NUP54: variants seen among roughly 807,000 people sequenced by gnomAD.
NUP54 encodes the protein nucleoporin p54.
A neutral mutation model predicts 66.4 loss-of-function variants in NUP54; 27 were observed. The ratio of observed to expected loss-of-function variants is 0.41; its 90% CI spans 0.30 to 0.56. The LOEUF (loss-of-function observed/expected upper bound fraction) is 0.56, where lower values mean the gene tolerates loss of function less well. Ranked by LOEUF, NUP54 falls within the 20% of genes least tolerant of loss-of-function variation. The pLI is 0.34. For missense variants in NUP54, 486 were observed against 596.3 expected (o/e 0.82, Z 1.93); for synonymous variants, 206 against 210.7 (o/e 0.98, Z 0.19).
chr4:76,144,281 C>T lies in NUP54; in HGVS notation c.163G>A (p.Gly55Ser). The change falls in exon 3 of 12, where the codon GGT becomes AGT. Residue 55 changes from glycine to serine, a missense_variant. By Grantham distance (56) the Gly-to-Ser change is moderately conservative. Transcript: ENST00000264883. Reference sequence around the variant, plus strand: ...AATCCAAAACCTTTGTTCTGAGTACCACCAAAGAGTCCTTTGAATGAAAAA... The same window carrying T: ...AATCCAAAACCTTTGTTCTGAGTACTACCAAAGAGTCCTTTGAATGAAAAA... Reference protein sequence around the residue: ...TNTGTTGLFGGTQNKGFGFGT... With the variant: ...TNTGTTGLFGSTQNKGFGFGT... 6.2e-7 allele frequency: 1 copy of T among 1,610,148 alleles called. No individual in the cohort carries two copies. Among genetic ancestry groups the T allele is most frequent in the Non-Finnish European group, 8.5e-7 (1 of 1,179,040 alleles).
At position 76,124,774 on chromosome 4, in the gene NUP54, G is replaced by T. The variant is rs1730393804; in HGVS notation, c.1057-18C>A. 16 of 611,702 alleles carry T rather than the reference G, an allele frequency of 2.6e-5. No individual in the cohort carries two copies. The highest frequency in any genetic ancestry group is 1.1e-4 in the East Asian group (2 of 18,788). 37.9% of individuals were successfully genotyped at this position (611,702 alleles called of 1,614,324 possible). ...GATATGATCTGTTTAAAAAAAAATT[G>T]GGGGGGGGAGGGTTAATCAAATATC... On this transcript the variant is annotated intron_variant, in intron 8 of 11. Transcript: ENST00000264883.
chr4:76,125,768 G>A (rs1267443261), intron 8 of NUP54, among the ~76,000 whole-genome samples: 1 of 26,930 alleles, frequency 3.7e-5, no homozygotes, highest in Non-Finnish European at 6.8e-5. Flanking sequence ...GGGGAGAGGG[G>A]GAGAGAGGGA....
At chr4:76,118,676 G>C (rs1730076759) in intron 9 of NUP54, among the ~76,000 whole-genome samples, 1 of 150,608 alleles carries the variant, frequency 6.6e-6, no homozygotes, top group African/African-American at 2.4e-5. Flanking sequence ...GTTTACAGGT[G>C]TGAGCCACTT....
intron 5 of NUP54, among the ~76,000 whole-genome samples, chr4:76,133,746 T>C (rs1297579670): frequency 6.6e-6 from 1 of 152,220 alleles, no homozygotes; most frequent in African/African-American, 2.4e-5. Flanking sequence ...AATTATTGCA[T>C]CTCATTAATA....
At chr4:76,144,071 A>C in intron 3 of NUP54, 78 bp downstream of exon 3, 1 of 1,391,344 alleles carries the variant, frequency 7.2e-7, no homozygotes. Flanking sequence ...AAGTCCACTA[A>C]AGTATTCTGA....
At position 76,144,132 on chromosome 4, in the gene NUP54, GA is replaced by G; in HGVS notation, c.295+16del. The G allele has an allele frequency of 1.2e-6, 2 of 1,613,004 alleles. No individual in the cohort carries two copies. The highest frequency in any genetic ancestry group is 1.7e-6 in the Non-Finnish European group (2 of 1,179,546). On this transcript the variant is annotated intron_variant, in intron 3 of 11. Transcript: ENST00000264883. ...TCATCACGGTTTTGTATTTGAAGCT[GA>G]AAACCTCATACTTACTAGTTTGCTG...
At chr4:76,148,166 G>A in intron 1 of NUP54, 142 bp downstream of exon 1, 1 of 662,246 alleles carries the variant, frequency 1.5e-6, no homozygotes, top group East Asian at 3.4e-5. Flanking sequence ...CCACTCTGCC[G>A]CCGCCCGCCC....
intron 8 of NUP54, among the ~76,000 whole-genome samples, chr4:76,129,792 G>A (rs1730701012): frequency 6.9e-6 from 1 of 145,320 alleles, no homozygotes; most frequent in African/African-American, 2.6e-5. Flanking sequence ...GTGAACTCAG[G>A]AGGTGGAGCT....
intron 1 of NUP54, 176 bp downstream of exon 1, chr4:76,148,131 TG>T: frequency 2.2e-6 from 1 of 452,768 alleles, no homozygotes; most frequent in Non-Finnish European, 3.9e-6. Flanking sequence ...AGTACCCCCG[TG>T]GCCTCCTCGG....
intron 9 of NUP54, among the ~76,000 whole-genome samples, chr4:76,118,949 T>TG (rs1047812317): frequency 2.0e-5 from 3 of 152,108 alleles, no homozygotes; most frequent in African/African-American, 7.2e-5. Flanking sequence ...GAGCTTGCAG[T>TG]GAGCCTAGAT....
At chr4:76,118,241 G>A (rs1168804755) in intron 9 of NUP54, 47 bp from the exon 10 acceptor site, 9 of 1,553,064 alleles carry the variant, frequency 5.8e-6, no homozygotes, top group Admixed American at 3.3e-5. Flanking sequence ...TCTCTTTTTA[G>A]TTATGCAAGT....
chr4:76,148,290 T>C lies in NUP54; in HGVS notation c.67+18A>G. 1.4e-6 allele frequency: 2 copies of C among 1,465,648 alleles called. No homozygotes were observed. The highest frequency in any genetic ancestry group is 1.4e-5 in the African/African-American group (1 of 69,900). 90.8% of individuals were successfully genotyped at this position (1,465,648 alleles called of 1,614,324 possible). ...CCTTCCCCTTCTTCCCGGGTGAAGG[T>C]CTAGGGGGATCACTCACCCGCGGGG... On this transcript the variant is annotated intron_variant, in intron 1 of 11. Transcript: ENST00000264883.
At chr4:76,148,221 G>T in intron 1 of NUP54, 87 bp downstream of exon 1, 1 of 980,642 alleles carries the variant, frequency 1.0e-6, no homozygotes, top group Non-Finnish European at 1.4e-6. Flanking sequence ...GAGATTCCAG[G>T]ATCCCCAGGT....
rs1374217914 is a variant in NUP54 at position 76,115,454 on chromosome 4, C to G, written c.1436G>C (p.Ser479Thr). Reference protein sequence around the residue: ...QQQEGLSHLISIIKDDLEDIK... With the variant: ...QQQEGLSHLITIIKDDLEDIK... ...ATCTTCTAGATCGTCTTTAATGATG[C>G]TAATCAAATGGCTAAGGCCTTCCTG... Residue 479 changes from serine to threonine, a missense_variant, in exon 12 of 12, where the codon AGC (serine) becomes ACC (threonine). Physicochemically the swap from Ser to Thr is moderately conservative, Grantham distance 58 (BLOSUM62 1). Coordinates refer to ENST00000264883, the MANE Select transcript of NUP54 (RefSeq NM_017426.4). The G allele has an allele frequency of 6.2e-7, 1 of 1,610,676 alleles. No homozygotes were observed. Among genetic ancestry groups the G allele is most frequent in the Non-Finnish European group, 8.5e-7 (1 of 1,178,586 alleles).
chr4:76,124,614 TTA>T, intron 9 of NUP54, 33 bp downstream of exon 9: 1 of 931,922 alleles, frequency 1.1e-6, no homozygotes. Flanking sequence ...ACACATAGTC[TTA>T]TAAACACTGG....
chr4:76,139,685 T>C (rs374764477), intron 3 of NUP54, among the ~76,000 whole-genome samples: 3 of 152,184 alleles, frequency 2.0e-5, no homozygotes, highest in East Asian at 1.9e-4. Context: ...AAGGAATTAT[T>C]GTGGGTTGGA....
Position 76,130,643 on chromosome 4 carries a change from G to A in NUP54, c.1056+13C>T. ...TACTTCCAGGGCCAGGGAATAAAAAGCTAAATGCTTACATCTAATCTGGTT... is the reference window on the plus strand; with the variant it reads ...TACTTCCAGGGCCAGGGAATAAAAAACTAAATGCTTACATCTAATCTGGTT... On this transcript the variant is annotated intron_variant, in intron 8 of 11. Coordinates refer to ENST00000264883, the MANE Select transcript of NUP54 (RefSeq NM_017426.4). 2 of 1,582,992 alleles carry A rather than the reference G, an allele frequency of 1.3e-6. No individual in the cohort carries two copies. The highest frequency in any genetic ancestry group is 1.7e-6 in the Non-Finnish European group (2 of 1,151,984).
intron 5 of NUP54, among the ~76,000 whole-genome samples, chr4:76,133,813 C>CT (rs1730918030): frequency 6.6e-6 from 1 of 152,108 alleles, no homozygotes; most frequent in Admixed American, 6.6e-5. Flanking sequence ...GAGAATTATA[C>CT]TTAGGTCAAG....
intron 9 of NUP54, among the ~76,000 whole-genome samples, chr4:76,120,297 T>C (rs62299349): frequency 0.13 from 20,001 of 152,168 alleles, 1,538 homozygotes; most frequent in East Asian, 0.35. Context: ...AGATTGCTTT[T>C]TCAAAATATC....
Sources: allele counts gnomAD v4.1 joint callset (sites outside exome capture counted in the v4.1 genomes callset), GRCh38; gene constraint gnomAD v4.1.1; transcripts MANE v1.5; gene names NCBI Gene and HGNC (gene_info 2026-07-23, HGNC 2026-07-21).